TMEM178B: variants seen among roughly 807,000 people sequenced by gnomAD.
TMEM178B encodes the protein transmembrane protein 178B.
A neutral mutation model predicts 31.0 loss-of-function variants in TMEM178B; 5 were observed. That is an observed-to-expected ratio of 0.16 (90% confidence interval 0.08 to 0.34). The LOEUF (loss-of-function observed/expected upper bound fraction) is 0.34, where lower values mean the gene tolerates loss of function less well. TMEM178B is among the 10% of genes least tolerant of loss of function. TMEM178B has a pLI of 1.00. For synonymous variants in TMEM178B, 164 were observed against 164.0 expected (o/e 1.00, Z 0.00); for missense variants, 275 against 400.3 (o/e 0.69, Z 2.67).
chr7:141,235,053 A>G (rs1045542168), intron 2 of TMEM178B, among the ~76,000 whole-genome samples: 3 of 152,182 alleles, frequency 2.0e-5, no homozygotes, highest in Non-Finnish European at 4.4e-5. Context: ...AGTATTATTT[A>G]TGTTAGTACT....
intron 1 of TMEM178B, among the ~76,000 whole-genome samples, chr7:141,100,013 G>GT (rs1470016881): frequency 1.3e-5 from 2 of 151,994 alleles, no homozygotes; most frequent in East Asian, 3.9e-4. Context: ...TAGAGATGGG[G>GT]TTTCACCATG....
intron 2 of TMEM178B, among the ~76,000 whole-genome samples, chr7:141,215,831 TTTC>T (rs752550405): frequency 0.23 from 14,676 of 62,840 alleles, 899 homozygotes; most frequent in Middle Eastern, 0.35. Context: ...TCTTTCTTTC[TTTC>T]TTTCTTTTCT....
chr7:141,101,969 G>T (rs1309296450), intron 1 of TMEM178B, among the ~76,000 whole-genome samples: 1 of 150,504 alleles, frequency 6.6e-6, no homozygotes, highest in Non-Finnish European at 1.5e-5. Context: ...TGTATGCTTA[G>T]TTATGTGTAT....
chr7:141,423,918 C>T (rs887999997), intron 2 of TMEM178B, among the ~76,000 whole-genome samples: 5 of 148,756 alleles, frequency 3.4e-5, no homozygotes, highest in African/African-American at 1.2e-4. Flanking sequence ...AAGTGATTCT[C>T]CTGCCTTAGC....
At chr7:141,188,892 A>G (rs989307552) in intron 1 of TMEM178B, among the ~76,000 whole-genome samples, 2 of 152,252 alleles carry the variant, frequency 1.3e-5, no homozygotes, top group African/African-American at 4.8e-5. Context: ...AGCCAGCGTT[A>G]TTCATTGGTA....
At chr7:141,185,609 C>T (rs1301922932) in intron 1 of TMEM178B, among the ~76,000 whole-genome samples, 1 of 152,060 alleles carries the variant, frequency 6.6e-6, no homozygotes, top group Non-Finnish European at 1.5e-5. Context: ...TCCGCAGATA[C>T]GTTCCTCTCG....
At chr7:141,284,057 G>A (rs1798405548) in intron 2 of TMEM178B, among the ~76,000 whole-genome samples, 2 of 152,318 alleles carry the variant, frequency 1.3e-5, no homozygotes, top group South Asian at 4.1e-4. Flanking sequence ...TACTTATTAA[G>A]GCTTGGTGTT....
chr7:141,350,392 T>G (rs1214326635), intron 2 of TMEM178B, among the ~76,000 whole-genome samples: 1 of 152,252 alleles, frequency 6.6e-6, no homozygotes, highest in Middle Eastern at 3.4e-3. Context: ...CCCACTAGAA[T>G]GTAAGGTCTG....
rs1159761868 is a variant in TMEM178B, at chr7:141,318,179, T to G, written c.496+105475T>G. On this transcript the variant is annotated intron_variant, in intron 2 of 3. Transcript: ENST00000565468. The surrounding 1 kb of genome is among the most constrained non-coding windows in gnomAD (Gnocchi z 4.1). Reference sequence around the variant, plus strand: ...TCTGTCCATCAGTCCATCCATCCATTTGTCCATTCAGTAACAGATCATTGA... The same window carrying G: ...TCTGTCCATCAGTCCATCCATCCATGTGTCCATTCAGTAACAGATCATTGA... Among the ~76,000 whole-genome samples, 1 of 152,202 alleles carries G rather than the reference T, an allele frequency of 6.6e-6. No individual in the cohort carries two copies. Among genetic ancestry groups the G allele is most frequent in the African/African-American group, 2.4e-5 (1 of 41,454 alleles).
intron 1 of TMEM178B, among the ~76,000 whole-genome samples, chr7:141,084,363 T>TA (rs1183203683): frequency 6.6e-6 from 1 of 152,204 alleles, no homozygotes; most frequent in Admixed American, 6.5e-5. Flanking sequence ...TGAACTTATT[T>TA]AAAAAATGTC....
At position 141,074,502 on chromosome 7, in the gene TMEM178B, G is replaced by T. The variant is rs1184194384; in HGVS notation, c.192G>T (p.Pro64=). 3 of 1,535,918 alleles carry T rather than the reference G, an allele frequency of 2.0e-6. No individual in the cohort carries two copies. Among genetic ancestry groups the T allele is most frequent in the African/African-American group, 1.4e-5 (1 of 73,058 alleles). Residue 64 remains proline (P), a synonymous_variant, in exon 1 of 4, where the codon CCG becomes CCT. Coordinates refer to ENST00000565468, the MANE Select transcript of TMEM178B (RefSeq NM_001195278.2). This position sits in a 1 kb window ranked among gnomAD's most constrained non-coding sequence, Gnocchi z 5.1. The part of the protein sequence containing the change: ...GFIYNNNNNL[P]LRASRSRLDR... ...TTTACAACAATAACAACAACTTGCC[G>T]CTCCGGGCGAGCCGCTCGCGCCTGG...
intron 2 of TMEM178B, among the ~76,000 whole-genome samples, chr7:141,432,188 A>G (rs1415758826): frequency 9.5e-6 from 1 of 104,770 alleles, no homozygotes; most frequent in Non-Finnish European, 1.7e-5. Context: ...ACGGAGTCTC[A>G]CTGTCGCCCA....
chr7:141,086,007 A>G (rs1384721665), intron 1 of TMEM178B, among the ~76,000 whole-genome samples: 1 of 152,136 alleles, frequency 6.6e-6, no homozygotes, highest in Non-Finnish European at 1.5e-5. Flanking sequence ...AGAAATGATC[A>G]TGGTATATTT....
At chr7:141,252,090 C>A (rs1797842752) in intron 2 of TMEM178B, among the ~76,000 whole-genome samples, 1 of 152,176 alleles carries the variant, frequency 6.6e-6, no homozygotes, top group Non-Finnish European at 1.5e-5. Flanking sequence ...TGTAAAGCTA[C>A]AGGACTGAAG....
intron 2 of TMEM178B, among the ~76,000 whole-genome samples, chr7:141,257,990 T>A (rs982800336): frequency 1.3e-5 from 2 of 151,832 alleles, no homozygotes; most frequent in Admixed American, 6.6e-5. Context: ...GCTTTAAAAA[T>A]TTTCCCTGTA....
intron 1 of TMEM178B, among the ~76,000 whole-genome samples, chr7:141,122,539 G>A (rs557233527): frequency 1.1e-4 from 17 of 152,298 alleles, no homozygotes; most frequent in African/African-American, 4.1e-4. Context: ...CCTAGGAATG[G>A]TGGTTCACCT....
At chr7:141,079,743 AATCTTGATGACAGGT>A (rs1794653696) in intron 1 of TMEM178B, among the ~76,000 whole-genome samples, 1 of 152,190 alleles carries the variant, frequency 6.6e-6, no homozygotes. Flanking sequence ...AATTATAGCC[AATCTTGATGACAGGT>A]CTCTCCTAAA....
At chr7:141,319,195 G>A (rs965070821) in intron 2 of TMEM178B, among the ~76,000 whole-genome samples, 1 of 152,204 alleles carries the variant, frequency 6.6e-6, no homozygotes, top group Non-Finnish European at 1.5e-5. Context: ...AAAAAGCAGT[G>A]ATTTACATTA....
At chr7:141,301,625 T>G (rs1798727829) in intron 2 of TMEM178B, among the ~76,000 whole-genome samples, 1 of 152,198 alleles carries the variant, frequency 6.6e-6, no homozygotes, top group Admixed American at 6.5e-5. Flanking sequence ...TAAGTGTGTT[T>G]AATTATTCCA....
Sources: allele counts gnomAD v4.1 joint callset (sites outside exome capture counted in the v4.1 genomes callset), GRCh38; gene constraint gnomAD v4.1.1; non-coding constraint Gnocchi (gnomAD v3.1); transcripts MANE v1.5; gene names NCBI Gene and HGNC (gene_info 2026-07-23, HGNC 2026-07-21).